The following PCDHA3 variants were observed in gnomAD, a reference collection of about 807,000 sequenced individuals.
PCDHA3 encodes protocadherin alpha 3, also known as protocadherin alpha-3.
Under a neutral mutation model 62.2 loss-of-function variants are expected in PCDHA3, and 41 were observed. The observed-to-expected ratio is 0.66, with a 90% confidence interval of 0.51 to 0.86. PCDHA3 has a LOEUF of 0.86. PCDHA3 is among the 40% of genes least tolerant of loss of function. The probability of loss-of-function intolerance (pLI) is 0.00; values close to 1 mark genes in which losing one functional copy is unlikely to be tolerated. For synonymous variants in PCDHA3, 640 were observed against 555.4 expected (o/e 1.15, Z -2.14); for missense variants, 1,304 against 1,241.2 (o/e 1.05, Z -0.76).
rs370111655 is a variant in PCDHA3, at chr5:140,902,185, TTCTC to T, written c.2395-76752_2395-76749del. Reference sequence around the variant, plus strand: ...TTCTAATTTGGATGTCCTTTATGTCTTCTCTCTCTCTCTCTTTCTTTTTTTTTTT... The same window carrying T: ...TTCTAATTTGGATGTCCTTTATGTCTTCTCTCTCTCTTTCTTTTTTTTTTT... On this transcript the variant is annotated intron_variant, in intron 1 of 3. Coordinates refer to ENST00000522353, the MANE Select transcript of PCDHA3 (RefSeq NM_018906.3). Among the ~76,000 whole-genome samples, 704 of 150,894 alleles carry T rather than the reference TTCTC, an allele frequency of 4.7e-3. 6 individuals carry two copies. Among genetic ancestry groups the T allele is most frequent in the African/African-American group, 0.015 (608 of 41,076 alleles).
At chr5:140,808,905 C>A in intron 1 of PCDHA3, 1 of 1,613,538 alleles carries the variant, frequency 6.2e-7, no homozygotes, top group Non-Finnish European at 8.5e-7. Context: ...GCGGGTGGCA[C>A]TGGTGGCGCA....
intron 1 of PCDHA3, chr5:140,870,813 C>T (rs568167153): frequency 1.2e-6 from 2 of 1,613,702 alleles, no homozygotes; most frequent in South Asian, 1.1e-5. Flanking sequence ...CTCAGGCTGG[C>T]AGCGCGGGAG....
intron 1 of PCDHA3, among the ~76,000 whole-genome samples, chr5:140,901,280 T>G (rs1554189719): frequency 1.3e-5 from 2 of 152,132 alleles, no homozygotes. Context: ...CTCAAGAAAT[T>G]TTTGCCCAGA....
In PCDHA3 at chr5:140,801,382, G is replaced by T. The variant is rs147415938; in HGVS notation, c.185G>T (p.Arg62Leu). 804 of 1,613,550 alleles carry T rather than the reference G, an allele frequency of 5.0e-4. 6 individuals are homozygous for T. In the African/African-American group the frequency reaches 9.8e-3, roughly 20 times the overall value. ...LGLELAELVPRLFRVASKRHG... is the reference protein window; with the variant it reads ...LGLELAELVPLLFRVASKRHG... ...CTGGAGCTGGCGGAGCTGGTGCCGCGCCTGTTCCGGGTGGCGTCCAAAAGA... is the reference window on the plus strand; with the variant it reads ...CTGGAGCTGGCGGAGCTGGTGCCGCTCCTGTTCCGGGTGGCGTCCAAAAGA... The change falls in exon 1 of 4, where the codon CGC becomes CTC. Residue 62 changes from arginine to leucine, a missense_variant. Physicochemically the swap from Arg to Leu is moderately radical, Grantham distance 102. Transcript: ENST00000522353.
intron 1 of PCDHA3, chr5:140,856,539 A>G (rs782181557): frequency 1.3e-6 from 2 of 1,598,342 alleles, no homozygotes; most frequent in South Asian, 2.2e-5. Context: ...GTTGGAGAGA[A>G]CGCATTGCTT....
intron 1 of PCDHA3, among the ~76,000 whole-genome samples, chr5:140,936,386 A>C (rs1321919652): frequency 6.6e-6 from 1 of 152,190 alleles, no homozygotes; most frequent in African/African-American, 2.4e-5. Context: ...GTGGCTAGTG[A>C]AACTGGGCTA....
At chr5:140,829,966 G>T (rs2150178804) in intron 1 of PCDHA3, 1 of 1,614,002 alleles carries the variant, frequency 6.2e-7, no homozygotes, top group Non-Finnish European at 8.5e-7. Context: ...TTCGCGTGGG[G>T]CTGTACACGG....
intron 1 of PCDHA3, chr5:140,875,795 T>C (rs782073142): frequency 1.2e-6 from 2 of 1,613,786 alleles, no homozygotes. Context: ...CACCTGGAGG[T>C]GATCGTGGAC....
chr5:140,917,327 G>C (rs1219338384), intron 1 of PCDHA3, among the ~76,000 whole-genome samples: 1 of 149,420 alleles, frequency 6.7e-6, no homozygotes, highest in African/African-American at 2.5e-5. Flanking sequence ...CATGTGGCGG[G>C]GGAGGGGGGG....
At chr5:140,922,993 T>A (rs2081107625) in intron 1 of PCDHA3, among the ~76,000 whole-genome samples, 1 of 152,054 alleles carries the variant, frequency 6.6e-6, no homozygotes, top group Non-Finnish European at 1.5e-5. Context: ...AGGCAAGCCA[T>A]GAGAATGGTT....
At chr5:140,839,065 GC>G (rs1320146572) in intron 1 of PCDHA3, among the ~76,000 whole-genome samples, 1 of 152,054 alleles carries the variant, frequency 6.6e-6, no homozygotes, top group African/African-American at 2.4e-5. Context: ...ATAGAGGTAT[GC>G]AAAGTCAAAA....
chr5:140,952,266 G>T (rs2094712993), intron 1 of PCDHA3, among the ~76,000 whole-genome samples: 1 of 151,598 alleles, frequency 6.6e-6, no homozygotes, highest in South Asian at 2.1e-4. Context: ...CCATTCTGGG[G>T]TCTTGAGGGT....
rs17844298 is a variant in PCDHA3, at chr5:140,823,840, G to C, written c.2394+20249G>C. On this transcript the variant is annotated intron_variant, in intron 1 of 3. Transcript: ENST00000522353. ...GGCGTCGGCGGGCGCTGTGGGTCCC[G>C]AGGCTGCCCTGGTGGATGTCAACGT... 1.5e-3 allele frequency: 2,499 copies of C among 1,613,840 alleles called. 57 individuals carry two copies. The East Asian group carries it at 0.044, about 28-fold the overall frequency.
intron 1 of PCDHA3, chr5:140,929,210 G>C (rs782078369): frequency 1.9e-6 from 3 of 1,614,070 alleles, no homozygotes; most frequent in Non-Finnish European, 2.5e-6. Context: ...CTGTTGCGTG[G>C]GGAGTACAAT....
intron 1 of PCDHA3, among the ~76,000 whole-genome samples, chr5:140,887,841 T>C (rs1024646010): frequency 2.6e-5 from 4 of 152,224 alleles, no homozygotes; most frequent in African/African-American, 7.2e-5. Context: ...ATATCTTTTA[T>C]TGACATATTT....
At chr5:141,003,122 C>A (rs782642950) in intron 3 of PCDHA3, among the ~76,000 whole-genome samples, 57 of 152,318 alleles carry the variant, frequency 3.7e-4, no homozygotes, top group African/African-American at 9.6e-4. Context: ...TGGCCCTTTC[C>A]TGGCATTTGC....
chr5:140,983,054 G>A (rs933321433), intron 3 of PCDHA3, among the ~76,000 whole-genome samples: 1 of 151,858 alleles, frequency 6.6e-6, no homozygotes. Flanking sequence ...GAAAATTATC[G>A]GAACCAAGGC....
chr5:140,802,754 G>C lies in PCDHA3; in HGVS notation c.1557G>C (p.Ala519=), dbSNP rs571219787. The C allele has an allele frequency of 2.5e-6, 4 of 1,612,526 alleles. No homozygotes were observed. The East Asian group carries it at 8.9e-5, about 36-fold the overall frequency. ...ACGCGGAGAGCGGCAAGGTGTACGC[G>C]CTGCAGCCGCTGGACCACGAGGAGC... The part of the protein sequence containing the change: ...SVHAESGKVY[A]LQPLDHEELE... Residue 519 remains alanine (A), a synonymous_variant, in exon 1 of 4, where the codon GCG becomes GCC. Transcript: ENST00000522353.
At chr5:140,877,748 G>T in intron 1 of PCDHA3, 1 of 1,614,188 alleles carries the variant, frequency 6.2e-7, no homozygotes, top group Non-Finnish European at 8.5e-7. Flanking sequence ...CAGAGGGTGT[G>T]CTCTGCAGAG....
Sources: allele counts gnomAD v4.1 joint callset (sites outside exome capture counted in the v4.1 genomes callset), GRCh38; gene constraint gnomAD v4.1.1; transcripts MANE v1.5; gene names NCBI Gene and HGNC (gene_info 2026-07-23, HGNC 2026-07-21).